OLA1: variants seen among roughly 807,000 people sequenced by gnomAD.
The protein encoded by OLA1 is obg-like ATPase 1.
In OLA1, 14 loss-of-function variants were observed where a neutral mutation model predicts 48.4. The observed-to-expected ratio is 0.29, with a 90% CI of 0.19 to 0.45. The LOEUF is 0.45. Among genes scored for constraint, OLA1 ranks in the 20% least tolerant of loss-of-function variants. OLA1 has a pLI of 1.00. For synonymous variants in OLA1, 127 were observed against 150.4 expected (o/e 0.84, Z 1.14); for missense variants, 325 against 467.1 (o/e 0.70, Z 2.80).
At chr2:174,204,740 AT>A (rs924110017) in intron 4 of OLA1, among the ~76,000 whole-genome samples, 2 of 106,110 alleles carry the variant, frequency 1.9e-5, no homozygotes, top group African/African-American at 3.7e-5. Context: ...TATAATATTC[AT>A]AAAAAAAAAC....
At chr2:174,176,918 G>A (rs1283107483) in intron 4 of OLA1, among the ~76,000 whole-genome samples, 1 of 152,070 alleles carries the variant, frequency 6.6e-6, no homozygotes, top group African/African-American at 2.4e-5. Context: ...ATTTTTACAA[G>A]CACCAGACTG....
chr2:174,145,558 T>C (rs1011169289), intron 4 of OLA1, among the ~76,000 whole-genome samples: 1 of 152,208 alleles, frequency 6.6e-6, no homozygotes, highest in African/African-American at 2.4e-5. Context: ...CTCAGTTTAA[T>C]GCTGTTGGTC....
At chr2:174,194,155 G>A (rs888261374) in intron 4 of OLA1, among the ~76,000 whole-genome samples, 15 of 152,128 alleles carry the variant, frequency 9.9e-5, no homozygotes, top group African/African-American at 1.4e-4. Context: ...ACGTGTCACC[G>A]CTGTTCTCGT....
chr2:174,240,785 G>T (rs1187566764), intron 2 of OLA1, among the ~76,000 whole-genome samples: 2 of 152,084 alleles, frequency 1.3e-5, no homozygotes, highest in African/African-American at 4.8e-5. Context: ...TTTTCCTCCT[G>T]TGAGTTCCTT....
At chr2:174,136,627 C>T (rs554021717) in intron 5 of OLA1, among the ~76,000 whole-genome samples, 2 of 152,160 alleles carry the variant, frequency 1.3e-5, no homozygotes, top group East Asian at 3.9e-4. Flanking sequence ...CATCCCAAAC[C>T]CCTATTAATG....
intron 4 of OLA1, among the ~76,000 whole-genome samples, chr2:174,167,881 G>A (rs1687203032): frequency 6.6e-6 from 1 of 152,026 alleles, no homozygotes; most frequent in African/African-American, 2.4e-5. Flanking sequence ...TCCAACCAAG[G>A]GCTTTCATTT....
chr2:174,190,944 CAAAAAAAAA>C (rs774971306), intron 4 of OLA1, among the ~76,000 whole-genome samples: 3 of 32,908 alleles, frequency 9.1e-5, no homozygotes, highest in South Asian at 1.7e-3. Context: ...GACTTCGTCT[CAAAAAAAAA>C]AAAAAAAAAA....
rs115916577 is a variant in OLA1 at position 174,090,955 on chromosome 2, T to G, written c.729-8891A>C. 4.2e-3 allele frequency among the ~76,000 whole-genome samples: 640 copies of G among 152,334 alleles called. 11 individuals carry two copies. In the East Asian group the frequency reaches 0.043, roughly 10 times the overall value. ...ATGTGGGCCAGAGCTATCACCACAT[T>G]CCACTGTATACTATAATATTGCCCA... On this transcript the variant is annotated intron_variant, in intron 7 of 10. Transcript: ENST00000284719.
Position 174,163,732 on chromosome 2 carries a change from AT to A in OLA1, c.374-21733del, listed in dbSNP as rs1558984501. 3.0e-3 allele frequency among the ~76,000 whole-genome samples: 131 copies of A among 43,436 alleles called. 22 individuals are homozygous for A. The Middle Eastern group carries it at 0.053, about 17-fold the overall frequency. 28.5% of individuals were successfully genotyped at this position (43,436 alleles called of 152,430 possible). On this transcript the variant is annotated intron_variant, in intron 4 of 10. Coordinates refer to ENST00000284719, the MANE Select transcript of OLA1 (RefSeq NM_013341.5). ...AATAAATATATATATATATATATAT[AT>A]ATATATATATATATATATATATATA...
At chr2:174,219,792 A>G (rs1166556189) in intron 4 of OLA1, among the ~76,000 whole-genome samples, 1 of 152,176 alleles carries the variant, frequency 6.6e-6, no homozygotes, top group African/African-American at 2.4e-5. Context: ...AGCTACTGGA[A>G]CAATTTCATC....
chr2:174,185,299 C>G (rs998860827), intron 4 of OLA1, among the ~76,000 whole-genome samples: 3 of 152,118 alleles, frequency 2.0e-5, no homozygotes, highest in Admixed American at 6.5e-5. Flanking sequence ...CACATATTCT[C>G]AAGGTTAACT....
At chr2:174,163,771 TATATAA>T (rs1687089096) in intron 4 of OLA1, among the ~76,000 whole-genome samples, 3 of 29,764 alleles carry the variant, frequency 1.0e-4, no homozygotes, top group Admixed American at 3.8e-4. Context: ...TATATATATA[TATATAA>T]ATAAATGTTT....
chr2:174,078,909 T>C, intron 10 of OLA1, 59 bp downstream of exon 10: 1 of 1,515,870 alleles, frequency 6.6e-7, no homozygotes, highest in South Asian at 1.3e-5. Flanking sequence ...ATTTTTATCA[T>C]GACTAACTTC....
At chr2:174,120,230 A>C (rs972732793) in intron 7 of OLA1, among the ~76,000 whole-genome samples, 3 of 152,142 alleles carry the variant, frequency 2.0e-5, no homozygotes, top group Non-Finnish European at 2.9e-5. Flanking sequence ...ACCCCTAATT[A>C]AGCAGTAGTT....
At chr2:174,144,980 AT>A (rs1686558666) in intron 4 of OLA1, among the ~76,000 whole-genome samples, 1 of 130,338 alleles carries the variant, frequency 7.7e-6, no homozygotes, top group Admixed American at 8.1e-5. Context: ...ATATATATAT[AT>A]AATCACGGAA....
chr2:174,230,817 CAGAACT>C (rs1688712349), intron 2 of OLA1, among the ~76,000 whole-genome samples: 1 of 152,148 alleles, frequency 6.6e-6, no homozygotes, highest in Admixed American at 6.5e-5. Context: ...CAATCCCAAC[CAGAACT>C]AGAAAAGCCA....
intron 4 of OLA1, among the ~76,000 whole-genome samples, chr2:174,198,517 T>C (rs190685828): frequency 3.7e-4 from 56 of 152,222 alleles, no homozygotes; most frequent in Admixed American, 1.1e-3. Flanking sequence ...CAGTAGCTCA[T>C]GCCTGTAATC....
At chr2:174,161,680 ATACAC>A (rs201286363) in intron 4 of OLA1, among the ~76,000 whole-genome samples, 256 of 71,542 alleles carry the variant, frequency 3.6e-3, no homozygotes, top group African/African-American at 9.5e-3. Flanking sequence ...AAAAAAAAAA[ATACAC>A]ACACACACAC....
At chr2:174,138,224 T>C (rs907450824) in intron 5 of OLA1, among the ~76,000 whole-genome samples, 4 of 152,226 alleles carry the variant, frequency 2.6e-5, no homozygotes, top group Non-Finnish European at 2.9e-5. Flanking sequence ...TGATTTAAAA[T>C]GAGAGATGTG....
Sources: gnomAD v4.1 joint callset for allele counts (sites outside exome capture counted in the v4.1 genomes callset) on GRCh38, gnomAD v4.1.1 for gene constraint, MANE v1.5 for transcripts, NCBI Gene and HGNC (gene_info 2026-07-23, HGNC 2026-07-21) for gene names.